Variants in AMMECR1 observed in about 807,000 individuals in gnomAD.
AMMECR1 encodes the protein AMMECR nuclear protein 1.
AMMECR1 carries 3 observed loss-of-function variants against 22.5 expected under a neutral mutation model. That is an observed-to-expected ratio of 0.13 (90% CI 0.06 to 0.35). The LOEUF (loss-of-function observed/expected upper bound fraction) is 0.35, where lower values mean the gene tolerates loss of function less well. AMMECR1 is among the 10% of genes least tolerant of loss of function. AMMECR1 has a pLI of 1.00. For synonymous variants in AMMECR1, 130 were observed against 116.7 expected (o/e 1.11, Z -0.74); for missense variants, 235 against 278.7 (o/e 0.84, Z 1.12).
intron 1 of AMMECR1, among the ~76,000 whole-genome samples, chrX:110,272,773 C>A (rs1189112913): frequency 8.9e-6 from 1 of 111,980 alleles, no homozygotes; most frequent in Non-Finnish European, 1.9e-5. Flanking sequence ...TGGTATTTGG[C>A]TGTTTCTTAA....
chrX:110,272,882 C>T (rs1482581923), intron 1 of AMMECR1, among the ~76,000 whole-genome samples: 1 of 112,020 alleles, frequency 8.9e-6, no homozygotes, highest in Non-Finnish European at 1.9e-5. Context: ...TGGTGCATGA[C>T]ACACCACATA....
chrX:110,346,599 T>C (rs1423807212), intron 2 of AMMECR1: 16 of 490,669 alleles, frequency 3.3e-5, no homozygotes, highest in Non-Finnish European at 5.9e-5. Context: ...TTACAGCACA[T>C]GTGTTACAGG....
At chrX:110,404,026 G>A (rs1602973203) in intron 2 of AMMECR1, among the ~76,000 whole-genome samples, 1 of 112,470 alleles carries the variant, frequency 8.9e-6, no homozygotes, top group African/African-American at 3.2e-5. Flanking sequence ...GTGGAAGCTC[G>A]ACTAATGTTT....
Position 110,394,518 on chromosome X carries a change from A to G in AMMECR1, c.-148+32140T>C, listed in dbSNP as rs1021737434. Among the ~76,000 whole-genome samples the G allele has an allele frequency of 4.4e-5, 5 of 112,770 alleles. No homozygotes were observed. The Admixed American group carries it at 4.7e-4, about 11-fold the overall frequency. ...TGGTGATATTTTTGTGACCAGAAAT[A>G]TGCTGTGGGTACTTAACTCTTGTTT... On this transcript the variant is annotated intron_variant, in intron 2 of 7. Transcript: ENST00000372057.
At chrX:110,307,925 A>G (rs1388335415) in intron 1 of AMMECR1, among the ~76,000 whole-genome samples, 1 of 89,280 alleles carries the variant, frequency 1.1e-5, no homozygotes, top group East Asian at 3.4e-4. Flanking sequence ...GCTGGAGTGC[A>G]GTGGTGTGAT....
At chrX:110,200,908 A>G in intron 5 of AMMECR1, 46 bp downstream of exon 5, 1 of 976,920 alleles carries the variant, frequency 1.0e-6, no homozygotes, top group Non-Finnish European at 1.5e-6. Context: ...AGGCATACAC[A>G]TCAAAATGTA....
chrX:110,430,454 C>A (rs924492154), intron 1 of AMMECR1, among the ~76,000 whole-genome samples: 12 of 112,465 alleles, frequency 1.1e-4, no homozygotes, highest in African/African-American at 3.9e-4. Context: ...CAGACTCAGA[C>A]AGGCTGAATA....
chrX:110,426,554 TC>T (rs2068755590), intron 2 of AMMECR1: 1 of 112,381 alleles, frequency 8.9e-6, no homozygotes, highest in African/African-American at 3.2e-5. Context: ...AGATATGAAT[TC>T]CTTACCTATG....
chrX:110,420,346 G>A (rs1461475790), intron 2 of AMMECR1, among the ~76,000 whole-genome samples: 1 of 112,030 alleles, frequency 8.9e-6, no homozygotes, highest in Non-Finnish European at 1.9e-5. Flanking sequence ...AATGAGTGAG[G>A]GAGTAAGTGA....
intron 1 of AMMECR1, among the ~76,000 whole-genome samples, chrX:110,288,714 T>C (rs2067893270): frequency 8.9e-6 from 1 of 111,972 alleles, no homozygotes; most frequent in Non-Finnish European, 1.9e-5. Flanking sequence ...TCCTGTACTA[T>C]TGTTTGTACT....
chrX:110,249,550 C>T (rs1471177107), intron 2 of AMMECR1, among the ~76,000 whole-genome samples: 2 of 111,347 alleles, frequency 1.8e-5, no homozygotes, highest in East Asian at 5.6e-4. Flanking sequence ...CACACACACA[C>T]AAAACAGAAG....
At chrX:110,253,353 T>C (rs1305254857) in intron 2 of AMMECR1, among the ~76,000 whole-genome samples, 1 of 112,623 alleles carries the variant, frequency 8.9e-6, no homozygotes, top group Non-Finnish European at 1.9e-5. Flanking sequence ...TGGGCGTTGT[T>C]TGTGCCATTT....
intron 2 of AMMECR1, among the ~76,000 whole-genome samples, chrX:110,220,596 G>GA (rs1469145522): frequency 2.7e-5 from 3 of 111,400 alleles, no homozygotes; most frequent in Non-Finnish European, 5.7e-5. Flanking sequence ...AATATTGCTA[G>GA]AAAAACAAAA....
At chrX:110,277,151 T>C (rs976827243) in intron 1 of AMMECR1, among the ~76,000 whole-genome samples, 3 of 111,448 alleles carry the variant, frequency 2.7e-5, no homozygotes, top group Non-Finnish European at 5.6e-5. Context: ...TACTCCTTCA[T>C]GGACAAAAGT....
intron 3 of AMMECR1, among the ~76,000 whole-genome samples, chrX:110,206,379 A>G (rs1489080300): frequency 8.9e-6 from 1 of 112,065 alleles, no homozygotes; most frequent in Non-Finnish European, 1.9e-5. Context: ...GTGACCCTCA[A>G]CACAAGAGCA....
At chrX:110,329,020 C>T (rs143509438) in intron 2 of AMMECR1, among the ~76,000 whole-genome samples, 6 of 112,410 alleles carry the variant, frequency 5.3e-5, no homozygotes, top group Non-Finnish European at 1.1e-4. Context: ...ATTCCTTGTT[C>T]TAGATCCTTG....
At chrX:110,297,525 G>C (rs957770944) in intron 1 of AMMECR1, among the ~76,000 whole-genome samples, 16 of 111,246 alleles carry the variant, frequency 1.4e-4, no homozygotes, top group African/African-American at 5.2e-4. Context: ...GAGATATTTT[G>C]GATCTGGGGA....
chrX:110,265,843 T>C (rs1451224949), intron 1 of AMMECR1, among the ~76,000 whole-genome samples: 1 of 112,017 alleles, frequency 8.9e-6, no homozygotes, highest in African/African-American at 3.2e-5. Flanking sequence ...GATGAAAAGA[T>C]ATCTCATTCA....
intron 2 of AMMECR1, among the ~76,000 whole-genome samples, chrX:110,419,947 G>A (rs914671682): frequency 5.4e-5 from 6 of 112,015 alleles, no homozygotes; most frequent in African/African-American, 1.9e-4. Context: ...ACCCAATGAC[G>A]TCAACTCTAT....
Sources: allele counts gnomAD v4.1 joint callset (sites outside exome capture counted in the v4.1 genomes callset), GRCh38; gene constraint gnomAD v4.1.1; transcripts MANE v1.5; gene names NCBI Gene and HGNC (gene_info 2026-07-23, HGNC 2026-07-21).